Variants in MACROD2 observed in about 807,000 individuals in gnomAD.
The protein encoded by MACROD2 is ADP-ribose glycohydrolase MACROD2.
Under a neutral mutation model 70.4 loss-of-function variants are expected in MACROD2, and 36 were observed. The observed-to-expected ratio is 0.51, with a 90% CI of 0.39 to 0.68. MACROD2 has a LOEUF of 0.68. MACROD2 is among the 30% of genes least tolerant of loss of function. MACROD2 has a pLI of 0.00. For synonymous variants in MACROD2, 172 were observed against 178.8 expected (o/e 0.96, Z 0.30); for missense variants, 496 against 538.4 (o/e 0.92, Z 0.78).
At chr20:14,403,098 G>T (rs2083656176) in intron 3 of MACROD2, among the ~76,000 whole-genome samples, 1 of 151,996 alleles carries the variant, frequency 6.6e-6, no homozygotes, top group African/African-American at 2.4e-5. Context: ...GGATATTAAA[G>T]AAATTCTTTT....
intron 8 of MACROD2, among the ~76,000 whole-genome samples, chr20:15,700,801 G>A (rs1385741084): frequency 6.6e-6 from 1 of 152,168 alleles, no homozygotes; most frequent in Non-Finnish European, 1.5e-5. Flanking sequence ...ATAAGCACAC[G>A]TATAATTTTG....
intron 5 of MACROD2, among the ~76,000 whole-genome samples, chr20:15,166,047 T>A (rs2076381486): frequency 6.6e-6 from 1 of 152,136 alleles, no homozygotes; most frequent in Non-Finnish European, 1.5e-5. Context: ...ATAAACGACG[T>A]ATCCAAAGCA....
Position 15,373,317 on chromosome 20 carries a change from A to C in MACROD2, c.541-58088A>C, listed in dbSNP as rs184564812. Among the ~76,000 whole-genome samples the C allele has an allele frequency of 1.8e-4, 27 of 152,268 alleles. No homozygotes were observed. The East Asian group carries it at 4.4e-3, about 25-fold the overall frequency. The stretch of plus-strand genomic sequence containing the variant: ...GATGTCTGGAAGGGCAAAACCCCAT[A>C]TATCTTATTTATTATCTTCAAAACT... On this transcript the variant is annotated intron_variant, in intron 6 of 17. Coordinates refer to ENST00000684519, the MANE Select transcript of MACROD2 (RefSeq NM_001351661.2).
chr20:15,110,326 C>T (rs897334811), intron 5 of MACROD2, among the ~76,000 whole-genome samples: 1 of 152,030 alleles, frequency 6.6e-6, no homozygotes, highest in Admixed American at 6.6e-5. Flanking sequence ...CTGCCGGGTG[C>T]CCTGCACTGG....
chr20:14,604,765 A>C (rs961757395), intron 4 of MACROD2, among the ~76,000 whole-genome samples: 3 of 152,188 alleles, frequency 2.0e-5, no homozygotes, highest in Non-Finnish European at 4.4e-5. Flanking sequence ...CAGGAGGATC[A>C]GGGAACTCAG....
chr20:15,915,650 G>T (rs1302644922), intron 10 of MACROD2, among the ~76,000 whole-genome samples: 1 of 152,188 alleles, frequency 6.6e-6, no homozygotes. Context: ...CACACCCATG[G>T]TTTTTTGAGC....
intron 5 of MACROD2, among the ~76,000 whole-genome samples, chr20:15,033,097 T>C (rs1156582401): frequency 2.0e-5 from 3 of 152,138 alleles, no homozygotes; most frequent in Non-Finnish European, 4.4e-5. Context: ...TATTGTTTAA[T>C]AGGTACAGAG....
intron 8 of MACROD2, among the ~76,000 whole-genome samples, chr20:15,808,018 T>C (rs536574411): frequency 6.6e-6 from 1 of 152,280 alleles, no homozygotes; most frequent in East Asian, 1.9e-4. Flanking sequence ...CCTGTTCTGT[T>C]CTGTTCTAAT....
intron 3 of MACROD2, among the ~76,000 whole-genome samples, chr20:14,173,612 C>G (rs1434166151): frequency 6.6e-6 from 1 of 152,140 alleles, no homozygotes; most frequent in Admixed American, 6.5e-5. Flanking sequence ...AATTCTTTTT[C>G]TGGCAATTCA....
Position 14,146,787 on chromosome 20 carries a change from C to T in MACROD2, c.271+61059C>T, listed in dbSNP as rs115261410. On this transcript the variant is annotated intron_variant, in intron 3 of 17. Transcript: ENST00000684519. ...AGGTTCATCAAGTTTTTCCAGACAT[C>T]AAGAGGTTAAAGTCCCTTGCTGGAC... 1.6e-3 allele frequency among the ~76,000 whole-genome samples: 250 copies of T among 152,216 alleles called. 2 individuals are homozygous for T. The highest frequency in any genetic ancestry group is 5.8e-3 in the African/African-American group (242 of 41,540).
chr20:15,755,047 T>C (rs2051328327), intron 8 of MACROD2, among the ~76,000 whole-genome samples: 1 of 152,104 alleles, frequency 6.6e-6, no homozygotes, highest in Non-Finnish European at 1.5e-5. Context: ...TTCATAGAGA[T>C]GAGGTTTCGC....
At chr20:15,360,271 G>A (rs2078336479) in intron 6 of MACROD2, among the ~76,000 whole-genome samples, 1 of 152,046 alleles carries the variant, frequency 6.6e-6, no homozygotes, top group Non-Finnish European at 1.5e-5. Context: ...GGACAGTTTT[G>A]TTGTTTCCAC....
At chr20:14,103,035 G>A (rs1039663859) in intron 3 of MACROD2, among the ~76,000 whole-genome samples, 3 of 152,024 alleles carry the variant, frequency 2.0e-5, no homozygotes, top group Non-Finnish European at 4.4e-5. Context: ...TTGTTATTTA[G>A]CCCTGCATCT....
intron 6 of MACROD2, among the ~76,000 whole-genome samples, chr20:15,353,600 C>G (rs2146228876): frequency 6.6e-6 from 1 of 151,882 alleles, no homozygotes; most frequent in South Asian, 2.1e-4. Flanking sequence ...TTGCAATCTA[C>G]TCATCTGACA....
At chr20:15,107,263 T>TA (rs2075917930) in intron 5 of MACROD2, among the ~76,000 whole-genome samples, 1 of 151,986 alleles carries the variant, frequency 6.6e-6, no homozygotes, top group South Asian at 2.1e-4. Context: ...TTTAAATTTC[T>TA]GGGCAACATT....
chr20:15,525,540 C>G (rs1005183323), intron 8 of MACROD2, among the ~76,000 whole-genome samples: 5 of 152,190 alleles, frequency 3.3e-5, no homozygotes, highest in Non-Finnish European at 7.3e-5. Flanking sequence ...GTCCCTGTTC[C>G]TTTCACAGTA....
chr20:14,657,096 G>T (rs1010440476), intron 4 of MACROD2, among the ~76,000 whole-genome samples: 4 of 152,146 alleles, frequency 2.6e-5, no homozygotes, highest in African/African-American at 9.6e-5. Context: ...ATACATTTGT[G>T]CTTTATTTAA....
intron 5 of MACROD2, among the ~76,000 whole-genome samples, chr20:15,121,513 CAAAAAAAAA>C (rs5840653): frequency 8.2e-6 from 1 of 122,056 alleles, no homozygotes; most frequent in South Asian, 2.6e-4. Context: ...AACTCTGCCT[CAAAAAAAAA>C]AAAAAAAAGA....
intron 5 of MACROD2, among the ~76,000 whole-genome samples, chr20:15,168,441 A>ATGTGTGTGTGTGTGTGTG (rs56188346): frequency 1.5e-5 from 2 of 134,660 alleles, no homozygotes; most frequent in African/African-American, 2.8e-5. Flanking sequence ...ACATTGTGGG[A>ATGTGTGTGTGTGTGTGTG]TGTGTGTGTG....
Sources: gnomAD v4.1 joint callset for allele counts (sites outside exome capture counted in the v4.1 genomes callset) on GRCh38, gnomAD v4.1.1 for gene constraint, MANE v1.5 for transcripts, NCBI Gene and HGNC (gene_info 2026-07-23, HGNC 2026-07-21) for gene names.